The following CNTN6 variants were observed in gnomAD, a reference collection of about 807,000 sequenced individuals.
The protein encoded by CNTN6 is contactin-6.
CNTN6 carries 137 observed loss-of-function variants against 122.8 expected under a neutral mutation model. The ratio of observed to expected loss-of-function variants is 1.12; its 90% CI spans 0.97 to 1.29. The LOEUF is 1.29. CNTN6 is among the 50% of genes most tolerant of loss of function. The probability of loss-of-function intolerance (pLI) is 0.00; values close to 1 mark genes in which losing one functional copy is unlikely to be tolerated. For synonymous variants in CNTN6, 570 were observed against 426.0 expected, an observed-to-expected ratio of 1.34 and a Z score of -4.16; for missense variants, 1,634 against 1,223.4, an observed-to-expected ratio of 1.34 and a Z score of -5.01.
intron 2 of CNTN6, among the ~76,000 whole-genome samples, chr3:1,176,294 G>C (rs543396848): frequency 1.6e-4 from 25 of 151,952 alleles, no homozygotes; most frequent in Admixed American, 5.9e-4. Context: ...GTGAATGCCT[G>C]TAATCCCAGC....
chr3:1,373,912 C>T lies in CNTN6; in HGVS notation c.1946-12C>T. On this transcript the variant is annotated splice_polypyrimidine_tract_variant and intron_variant, in intron 15 of 22. Transcript: ENST00000446702. ...TCCCAACCTAGGTGCCTTAGTGTCT[C>T]ATTCTTTTTAGTTCCAGAAATTCTC... 1 of 1,605,082 alleles carries T rather than the reference C, an allele frequency of 6.2e-7. No homozygotes were observed.
chr3:1,328,341 A>G (rs1224175093), intron 10 of CNTN6, among the ~76,000 whole-genome samples: 1 of 151,866 alleles, frequency 6.6e-6, no homozygotes, highest in Admixed American at 6.6e-5. Flanking sequence ...ACGCGTTGAT[A>G]GTTTTCAACC....
rs548380123 is a variant in CNTN6 at position 1,401,227 on chromosome 3, C to A, written c.2705-206C>A. ...AGCAAGCCATTATTAATTCATAAGT[C>A]TGTCACAAAGGCATTCCCAAATGAC... On this transcript the variant is annotated intron_variant, in intron 20 of 22. Transcript: ENST00000446702. The A allele has an allele frequency of 1.7e-4, 84 of 483,164 alleles. 1 individual carries two copies. In the East Asian group the frequency reaches 3.2e-3, roughly 18 times the overall value. 29.9% of individuals were successfully genotyped at this position (483,164 alleles called of 1,614,324 possible).
chr3:1,321,948 A>G (rs1308700098), intron 8 of CNTN6, 114 bp downstream of exon 8: 1 of 895,216 alleles, frequency 1.1e-6, no homozygotes, highest in Non-Finnish European at 1.7e-6. Context: ...TAAGGAAGGC[A>G]TATTTCCGGG....
chr3:1,109,224 A>C lies in CNTN6; in HGVS notation c.-83+16104A>C, dbSNP rs139439061. Among the ~76,000 whole-genome samples the C allele has an allele frequency of 3.7e-3, 564 of 152,212 alleles. 5 individuals are homozygous for C. The highest frequency in any genetic ancestry group is 0.013 in the African/African-American group (536 of 41,578). ...AGGGGATTCAAGGGACTTGCCCGAGACTACAGAGCAGGAATTCACATACAG... is the reference window on the plus strand; with the variant it reads ...AGGGGATTCAAGGGACTTGCCCGAGCCTACAGAGCAGGAATTCACATACAG... On this transcript the variant is annotated intron_variant, in intron 1 of 22. Transcript: ENST00000446702.
At chr3:1,257,480 G>A (rs550131616) in intron 4 of CNTN6, among the ~76,000 whole-genome samples, 87 of 151,872 alleles carry the variant, frequency 5.7e-4, no homozygotes, top group Non-Finnish European at 9.1e-4. Flanking sequence ...TAATTCCTTC[G>A]AGGCCTTCGA....
intron 11 of CNTN6, among the ~76,000 whole-genome samples, chr3:1,345,187 G>C (rs1013451531): frequency 6.6e-6 from 1 of 151,612 alleles, no homozygotes; most frequent in African/African-American, 2.4e-5. Flanking sequence ...CACGATCTTG[G>C]CCTACTGCAA....
intron 2 of CNTN6, among the ~76,000 whole-genome samples, chr3:1,167,559 G>T (rs2093279632): frequency 6.6e-6 from 1 of 151,484 alleles, no homozygotes; most frequent in African/African-American, 2.4e-5. Flanking sequence ...CATTTCCTAT[G>T]CACTTTTACA....
At chr3:1,287,839 A>G (rs563177880) in intron 5 of CNTN6, among the ~76,000 whole-genome samples, 1 of 152,294 alleles carries the variant, frequency 6.6e-6, no homozygotes, top group African/African-American at 2.4e-5. Context: ...AGGAACCTTC[A>G]GTCCTGGGAA....
At position 1,147,918 on chromosome 3, in the gene CNTN6, C is replaced by A; in HGVS notation, c.-82-9C>A. On this transcript the variant is annotated splice_polypyrimidine_tract_variant and intron_variant, in intron 1 of 22. Transcript: ENST00000446702. The stretch of plus-strand genomic sequence containing the variant: ...GTTTTTCATTTCATGACAATTTTGT[C>A]TTTTTCAGACTCTTGAGATACTGAC... 2 of 832,310 alleles carry A rather than the reference C, an allele frequency of 2.4e-6. No homozygotes were observed. Among genetic ancestry groups the A allele is most frequent in the South Asian group, 1.8e-5 (1 of 56,318 alleles). The allele number at this position is 832,310 out of a possible 1,614,324, so 51.6% of individuals were successfully genotyped here.
At chr3:1,233,473 C>T (rs980157990) in intron 4 of CNTN6, among the ~76,000 whole-genome samples, 5 of 152,052 alleles carry the variant, frequency 3.3e-5, no homozygotes, top group African/African-American at 1.2e-4. Flanking sequence ...CGGTGGCTCA[C>T]GCCTGTAATC....
chr3:1,109,642 C>T (rs982458773), intron 1 of CNTN6, among the ~76,000 whole-genome samples: 10 of 152,078 alleles, frequency 6.6e-5, no homozygotes, highest in Admixed American at 2.6e-4. Flanking sequence ...TATTTATTTT[C>T]TCTTAACATA....
intron 8 of CNTN6, among the ~76,000 whole-genome samples, chr3:1,322,631 T>G (rs1701017964): frequency 6.6e-6 from 1 of 151,142 alleles, no homozygotes; most frequent in South Asian, 2.1e-4. Context: ...AGAAAATATG[T>G]GTGTATGTGT....
chr3:1,170,846 G>A (rs2093346232), intron 2 of CNTN6, among the ~76,000 whole-genome samples: 1 of 152,146 alleles, frequency 6.6e-6, no homozygotes, highest in South Asian at 2.1e-4. Context: ...CCTCTGACAA[G>A]TTACAAACCT....
At chr3:1,331,071 A>G (rs962289173) in intron 11 of CNTN6, among the ~76,000 whole-genome samples, 1 of 151,880 alleles carries the variant, frequency 6.6e-6, no homozygotes, top group Non-Finnish European at 1.5e-5. Flanking sequence ...CCGAGGAAAA[A>G]AGAGGTGAAA....
In CNTN6 at chr3:1,390,330, A is replaced by T. The variant is rs570948036; in HGVS notation, c.2704+4533A>T. Among the ~76,000 whole-genome samples, 1,515 of 152,080 alleles carry T rather than the reference A, an allele frequency of 1.0e-2. 22 individuals carry two copies. The highest frequency in any genetic ancestry group is 0.035 in the African/African-American group (1,433 of 41,384). ...TGACTACTGGATACATAACGAAATG[A>T]AGGCAGAAATAAAGATGTTCTTTGA... is the stretch of plus-strand genomic sequence containing the variant. On this transcript the variant is annotated intron_variant, in intron 20 of 22. Transcript: ENST00000446702.
intron 12 of CNTN6, among the ~76,000 whole-genome samples, chr3:1,370,290 T>A (rs1708829261): frequency 6.6e-6 from 1 of 151,938 alleles, no homozygotes; most frequent in Non-Finnish European, 1.5e-5. Context: ...AACGTGGGAA[T>A]TGAACAATGA....
chr3:1,268,078 C>G (rs537529213), intron 4 of CNTN6, among the ~76,000 whole-genome samples: 2 of 152,308 alleles, frequency 1.3e-5, no homozygotes, highest in East Asian at 3.9e-4. Context: ...TTATTGACTA[C>G]AAAGGTTTTG....
intron 3 of CNTN6, 136 bp downstream of exon 3, chr3:1,220,949 A>G (rs1393057988): frequency 1.4e-5 from 13 of 911,024 alleles, no homozygotes; most frequent in Non-Finnish European, 7.8e-6. Context: ...GTATGCAGCC[A>G]TGTGACAATC....
Sources: gnomAD v4.1 joint callset for allele counts (sites outside exome capture counted in the v4.1 genomes callset) on GRCh38, gnomAD v4.1.1 for gene constraint, MANE v1.5 for transcripts, NCBI Gene and HGNC (gene_info 2026-07-23, HGNC 2026-07-21) for gene names.